Variants in PPFIA2 observed in about 807,000 individuals in gnomAD.
PPFIA2 encodes the protein liprin-alpha-2.
PPFIA2 carries 46 observed loss-of-function variants against 175.5 expected under a neutral mutation model. The ratio of observed to expected loss-of-function variants is 0.26; its 90% CI spans 0.21 to 0.34. The LOEUF (loss-of-function observed/expected upper bound fraction) is 0.34, where lower values mean the gene tolerates loss of function less well. PPFIA2 is among the 10% of genes least tolerant of loss of function. The probability of loss-of-function intolerance (pLI) is 1.00; values close to 1 mark genes in which losing one functional copy is unlikely to be tolerated. For synonymous variants in PPFIA2, 568 were observed against 511.4 expected (o/e 1.11, Z -1.49); for missense variants, 1,179 against 1,506.1 (o/e 0.78, Z 3.60).
intron 7 of PPFIA2, among the ~76,000 whole-genome samples, chr12:81,422,102 G>GTA (rs1161932344): frequency 2.8e-5 from 4 of 145,434 alleles, no homozygotes; most frequent in Non-Finnish European, 3.0e-5. Flanking sequence ...ATATATGTGT[G>GTA]TATATATATG....
At chr12:81,415,235 A>ATATG (rs1392010517) in intron 7 of PPFIA2, among the ~76,000 whole-genome samples, 1 of 94,576 alleles carries the variant, frequency 1.1e-5, no homozygotes, top group Non-Finnish European at 2.2e-5. Context: ...ATATATATAT[A>ATATG]TATATATATA....
chr12:81,393,707 C>T (rs1297635698), intron 8 of PPFIA2, among the ~76,000 whole-genome samples: 1 of 152,062 alleles, frequency 6.6e-6, no homozygotes, highest in East Asian at 1.9e-4. Flanking sequence ...ACAAAGAGAA[C>T]TTACCATGAG....
intron 3 of PPFIA2, among the ~76,000 whole-genome samples, chr12:81,677,846 G>T (rs2072853591): frequency 6.6e-6 from 1 of 151,892 alleles, no homozygotes; most frequent in Non-Finnish European, 1.5e-5. Flanking sequence ...GCTGTGACCT[G>T]TTTATAGGGA....
Position 81,754,077 on chromosome 12 carries a change from G to T in PPFIA2, c.145C>A (p.Leu49Ile). 1 of 1,613,860 alleles carries T rather than the reference G, an allele frequency of 6.2e-7. No homozygotes were observed. Among genetic ancestry groups the T allele is most frequent in the Non-Finnish European group, 8.5e-7 (1 of 1,179,860 alleles). Residue 49 changes from leucine (L) to isoleucine (I), a missense_variant, in exon 3 of 33, where the codon CTT becomes ATT. Leu to Ile is a conservative substitution (Grantham distance 5). This residue lies in a region of PPFIA2 where 128 missense variants were observed against 141.4 expected (regional missense o/e 0.91). Coordinates refer to ENST00000549396, the MANE Select transcript of PPFIA2 (RefSeq NM_003625.5). Reference sequence around the variant, plus strand: ...GAGAGGCTTTCCTGGGTCTCCCGAAGGGTGTCTAGAAGACGATCCCTTTCA... The same window carrying T: ...GAGAGGCTTTCCTGGGTCTCCCGAATGGTGTCTAGAAGACGATCCCTTTCA... ...LDERDRLLDTLRETQESLSLA... is the reference protein window; with the variant it reads ...LDERDRLLDTIRETQESLSLA...
intron 4 of PPFIA2, among the ~76,000 whole-genome samples, chr12:81,672,330 C>T (rs1009670589): frequency 1.4e-4 from 21 of 151,782 alleles, no homozygotes; most frequent in Admixed American, 1.3e-3. Context: ...ACTCTAAGAC[C>T]ATTTACAATT....
At chr12:81,696,072 T>C (rs549087730) in intron 3 of PPFIA2, among the ~76,000 whole-genome samples, 6 of 152,276 alleles carry the variant, frequency 3.9e-5, no homozygotes, top group Admixed American at 2.0e-4. Flanking sequence ...GATTTGAATA[T>C]TGGCTCTGAC....
intron 4 of PPFIA2, among the ~76,000 whole-genome samples, chr12:81,672,721 T>G (rs941770396): frequency 6.6e-5 from 10 of 152,034 alleles, no homozygotes; most frequent in African/African-American, 1.9e-4. Flanking sequence ...AGGAAGAAAC[T>G]GAATACCTTC....
chr12:81,334,476 T>C, intron 21 of PPFIA2, among the ~76,000 whole-genome samples: 1 of 130,538 alleles, frequency 7.7e-6, no homozygotes, highest in Non-Finnish European at 1.6e-5. Context: ...ATCTATGTCT[T>C]CTCTCCCTCC....
intron 7 of PPFIA2, among the ~76,000 whole-genome samples, chr12:81,439,181 CTCTCTA>C (rs989406988): frequency 2.0e-5 from 3 of 149,612 alleles, no homozygotes; most frequent in African/African-American, 4.9e-5. Flanking sequence ...CTCTCTCTCT[CTCTCTA>C]TATATATATA....
intron 4 of PPFIA2, among the ~76,000 whole-genome samples, chr12:81,648,354 A>G (rs1258129364): frequency 6.6e-6 from 1 of 150,760 alleles, no homozygotes; most frequent in Non-Finnish European, 1.5e-5. Context: ...CATCTATGTA[A>G]AAAAAGCTAT....
intron 9 of PPFIA2, among the ~76,000 whole-genome samples, chr12:81,379,076 G>C (rs2037043456): frequency 1.3e-5 from 2 of 152,084 alleles, no homozygotes; most frequent in African/African-American, 4.8e-5. Context: ...TTTGCATTTT[G>C]TAATTTTGGT....
intron 14 of PPFIA2, among the ~76,000 whole-genome samples, chr12:81,366,582 G>T (rs1286114560): frequency 6.6e-6 from 1 of 151,536 alleles, no homozygotes; most frequent in Admixed American, 6.6e-5. Flanking sequence ...TTGGCATTTG[G>T]CATCTGCTAC....
rs1206714958 is a variant in PPFIA2, at chr12:81,707,560, T to C, written c.250-30716A>G. Among the ~76,000 whole-genome samples the C allele has an allele frequency of 1.6e-4, 24 of 149,774 alleles. No homozygotes were observed. The East Asian group carries it at 3.2e-3, about 20-fold the overall frequency. ...AGGATGTGGAGAAATAGGAACACTT[T>C]TACACTGTTGGTGGGACTGTAAACT... On this transcript the variant is annotated intron_variant, in intron 3 of 32. Transcript: ENST00000549396.
At chr12:81,395,537 TC>T (rs1355890801) in intron 8 of PPFIA2, among the ~76,000 whole-genome samples, 1 of 139,464 alleles carries the variant, frequency 7.2e-6, no homozygotes, top group Non-Finnish European at 1.5e-5. Flanking sequence ...TCTCTGACCT[TC>T]CTCTCCTCCC....
intron 3 of PPFIA2, among the ~76,000 whole-genome samples, chr12:81,711,104 TG>T (rs1195182856): frequency 6.6e-6 from 1 of 151,118 alleles, no homozygotes; most frequent in Non-Finnish European, 1.5e-5. Context: ...GGTACACATC[TG>T]TGGTCCCAGT....
intron 4 of PPFIA2, among the ~76,000 whole-genome samples, chr12:81,663,584 A>T (rs2057653372): frequency 6.6e-6 from 1 of 152,236 alleles, no homozygotes; most frequent in South Asian, 2.1e-4. Context: ...GGATAGGAAG[A>T]ATCAATATCA....
intron 4 of PPFIA2, among the ~76,000 whole-genome samples, chr12:81,618,930 C>G (rs1490814935): frequency 6.6e-6 from 1 of 152,106 alleles, no homozygotes; most frequent in Non-Finnish European, 1.5e-5. Flanking sequence ...CTATAATAGT[C>G]TAGGCTTTAT....
intron 4 of PPFIA2, among the ~76,000 whole-genome samples, chr12:81,662,986 T>C (rs1264858594): frequency 2.0e-5 from 3 of 152,190 alleles, no homozygotes; most frequent in South Asian, 2.1e-4. Flanking sequence ...GAAAAGGCCT[T>C]TGACAAAATT....
At chr12:81,604,777 A>T (rs1346717200) in intron 4 of PPFIA2, among the ~76,000 whole-genome samples, 1 of 151,764 alleles carries the variant, frequency 6.6e-6, no homozygotes, top group Non-Finnish European at 1.5e-5. Flanking sequence ...CAAGAGAGGT[A>T]AATTATGAAG....
Sources: allele counts gnomAD v4.1 joint callset (sites outside exome capture counted in the v4.1 genomes callset), GRCh38; gene constraint gnomAD v4.1.1; regional missense constraint gnomAD v4.1.1; transcripts MANE v1.5; gene names NCBI Gene and HGNC (gene_info 2026-07-23, HGNC 2026-07-21).